The following SSU72 variants were observed in gnomAD, a reference collection of about 807,000 sequenced individuals.
SSU72 encodes SSU72 homolog, RNA polymerase II CTD phosphatase, also known as RNA polymerase II subunit A C-terminal domain phosphatase SSU72.
A neutral mutation model predicts 22.7 loss-of-function variants in SSU72; 12 were observed. The ratio of observed to expected loss-of-function variants is 0.53; its 90% CI spans 0.34 to 0.86. The LOEUF (loss-of-function observed/expected upper bound fraction) is 0.86, where lower values mean the gene tolerates loss of function less well. Ranked by LOEUF, SSU72 falls within the 40% of genes least tolerant of loss-of-function variation. The probability of loss-of-function intolerance (pLI) is 0.02; values close to 1 mark genes in which losing one functional copy is unlikely to be tolerated. For missense variants in SSU72, 151 were observed against 249.8 expected, an observed-to-expected ratio of 0.60 and a Z score of 2.67; for synonymous variants, 116 against 98.3, an observed-to-expected ratio of 1.18 and a Z score of -1.06.
intron 1 of SSU72, among the ~76,000 whole-genome samples, chr1:1,566,306 T>C (rs1164676393): frequency 6.6e-6 from 1 of 152,216 alleles, no homozygotes; most frequent in Non-Finnish European, 1.5e-5. Flanking sequence ...AGAACATGTG[T>C]TCTTGTAAAG....
chr1:1,559,745 G>T (rs1642564365), intron 2 of SSU72, among the ~76,000 whole-genome samples: 1 of 101,668 alleles, frequency 9.8e-6, no homozygotes, highest in African/African-American at 8.5e-5. Flanking sequence ...TTTTATTTTT[G>T]GAGACAGTTT....
chr1:1,548,545 ACT>A (rs1176920007), intron 2 of SSU72, among the ~76,000 whole-genome samples: 3 of 138,552 alleles, frequency 2.2e-5, no homozygotes, highest in Non-Finnish European at 4.6e-5. Flanking sequence ...CAGGAGCAAG[ACT>A]CTGTCTCAAA....
At chr1:1,548,416 G>A (rs971778687) in intron 2 of SSU72, among the ~76,000 whole-genome samples, 9 of 152,158 alleles carry the variant, frequency 5.9e-5, no homozygotes, top group African/African-American at 2.2e-4. Context: ...TTAGCCAGGC[G>A]TCGTGGCAGG....
chr1:1,564,396 A>G, intron 2 of SSU72: 1 of 1,344,720 alleles, frequency 7.4e-7, no homozygotes, highest in South Asian at 1.6e-5. Context: ...GCACGCACGC[A>G]CACACGCACG....
In SSU72 at chr1:1,574,589, C is replaced by G; in HGVS notation, c.-32G>C. 1 of 1,572,936 alleles carries G rather than the reference C, an allele frequency of 6.4e-7. No individual in the cohort carries two copies. The highest frequency in any genetic ancestry group is 8.6e-7 in the Non-Finnish European group (1 of 1,162,622). On this transcript the variant is annotated 5_prime_UTR_variant, in exon 1 of 5. Coordinates refer to ENST00000291386, the MANE Select transcript of SSU72 (RefSeq NM_014188.3). ...GGCCGCAAATCCCGCGGCTCTCCCG[C>G]TTGGGTTCCCACCCTACCGCGGCGC...
intron 1 of SSU72, among the ~76,000 whole-genome samples, chr1:1,569,490 G>A (rs1158174586): frequency 6.6e-6 from 1 of 152,158 alleles, no homozygotes; most frequent in African/African-American, 2.4e-5. Context: ...GGGTGAAATT[G>A]TTACTGTGTC....
At chr1:1,574,424 G>T (rs1570404644) in intron 1 of SSU72, 54 bp downstream of exon 1, 1 of 1,537,552 alleles carries the variant, frequency 6.5e-7, no homozygotes, top group East Asian at 2.6e-5. Flanking sequence ...CCGGGGAGGA[G>T]GGAGGGCCGG....
chr1:1,545,364 G>A (rs1032878737), intron 2 of SSU72: 5 of 253,404 alleles, frequency 2.0e-5, no homozygotes, highest in African/African-American at 9.0e-5. Context: ...CTGTGTCTCC[G>A]CAGTCGGATC....
At position 1,541,870 on chromosome 1, in the gene SSU72, TAAGTAA is replaced by T; in HGVS notation, c.*190_*195del. The T allele has an allele frequency of 1.7e-6, 1 of 579,238 alleles. No homozygotes were observed. Among genetic ancestry groups the T allele is most frequent in the Non-Finnish European group, 3.1e-6 (1 of 325,984 alleles). The allele number at this position is 579,238 out of a possible 1,614,324, so 35.9% of individuals were successfully genotyped here. A position where few individuals can be genotyped will look rare whatever the true frequency, so the allele number is the denominator to read the frequency against. ...AACTTTGTAATCAATATCCTGCTCA[TAAGTAA>T]AAGTGGAAAAGAAGAAACTTGATTG... is the stretch of plus-strand genomic sequence containing the variant. On this transcript the variant is annotated 3_prime_UTR_variant, in exon 5 of 5. Transcript: ENST00000291386.
intron 1 of SSU72, among the ~76,000 whole-genome samples, chr1:1,571,300 G>C (rs866021965): frequency 1.4e-5 from 2 of 140,222 alleles, no homozygotes; most frequent in African/African-American, 5.4e-5. Context: ...GGGAGTGGTG[G>C]CAGGCGCCTG....
chr1:1,567,116 T>C (rs1642671027), intron 1 of SSU72, among the ~76,000 whole-genome samples: 2 of 152,092 alleles, frequency 1.3e-5, no homozygotes, highest in Admixed American at 6.6e-5. Flanking sequence ...AACAGACAAG[T>C]AGAATAATCC....
chr1:1,572,110 A>T (rs1402212452), intron 1 of SSU72, among the ~76,000 whole-genome samples: 1 of 149,654 alleles, frequency 6.7e-6, no homozygotes, highest in African/African-American at 2.5e-5. Context: ...TAGAATTTTT[A>T]AAACATTTCC....
chr1:1,550,288 G>A (rs190729594), intron 2 of SSU72, among the ~76,000 whole-genome samples: 236 of 152,062 alleles, frequency 1.6e-3, no homozygotes, highest in African/African-American at 5.4e-3. Context: ...ACGCCAGCCC[G>A]GCTGGGGGTA....
At chr1:1,556,879 G>C (rs1354590493) in intron 2 of SSU72, among the ~76,000 whole-genome samples, 2 of 152,202 alleles carry the variant, frequency 1.3e-5, no homozygotes, top group African/African-American at 2.4e-5. Flanking sequence ...ATTCTGTCCA[G>C]ACCCTCAAAT....
chr1:1,560,186 T>A (rs1642570935), intron 2 of SSU72, among the ~76,000 whole-genome samples: 1 of 151,470 alleles, frequency 6.6e-6, no homozygotes, highest in Admixed American at 6.6e-5. Flanking sequence ...CAAAAGAAAA[T>A]GTGGATGAAA....
intron 2 of SSU72, among the ~76,000 whole-genome samples, chr1:1,548,818 T>G (rs573243613): frequency 6.6e-6 from 1 of 152,244 alleles, no homozygotes; most frequent in East Asian, 1.9e-4. Flanking sequence ...TTCCCATGGG[T>G]TGAGCACGTG....
At chr1:1,550,263 C>T (rs1320231535) in intron 2 of SSU72, among the ~76,000 whole-genome samples, 1 of 151,918 alleles carries the variant, frequency 6.6e-6, no homozygotes, top group East Asian at 1.9e-4. Context: ...CAGCAGACAA[C>T]CCCCGCCATC....
At chr1:1,566,812 C>T (rs1642667666) in intron 1 of SSU72, among the ~76,000 whole-genome samples, 1 of 151,720 alleles carries the variant, frequency 6.6e-6, no homozygotes, top group East Asian at 1.9e-4. Flanking sequence ...TGAGATCGCG[C>T]CACTGCACTC....
In SSU72 at chr1:1,554,262, G is replaced by A. The variant is rs1240811692; in HGVS notation, c.225-9260C>T. 2.0e-5 allele frequency among the ~76,000 whole-genome samples: 3 copies of A among 150,430 alleles called. No homozygotes were observed. The highest frequency in any genetic ancestry group is 4.9e-5 in the African/African-American group (2 of 40,840). On this transcript the variant is annotated intron_variant, in intron 2 of 4. Transcript: ENST00000291386. This position sits in a 1 kb window ranked among gnomAD's most constrained non-coding sequence, Gnocchi z 4.1. The stretch of plus-strand genomic sequence containing the variant: ...AGCATGAGGCGGACCCGGACCACTC[G>A]GGGGCCCCCACGAAGCTGAGCACGA...
Sources: allele counts gnomAD v4.1 joint callset (sites outside exome capture counted in the v4.1 genomes callset), GRCh38; gene constraint gnomAD v4.1.1; non-coding constraint Gnocchi (gnomAD v3.1); transcripts MANE v1.5; gene names NCBI Gene and HGNC (gene_info 2026-07-23, HGNC 2026-07-21).